KIR2DL1: variants seen among roughly 807,000 people sequenced by gnomAD.
The protein encoded by KIR2DL1 is killer cell immunoglobulin-like receptor 2DL1.
Under a neutral mutation model 33.9 loss-of-function variants are expected in KIR2DL1, and 38 were observed. The ratio of observed to expected loss-of-function variants is 1.12; its 90% CI spans 0.86 to 1.47. The LOEUF is 1.47. Among genes scored for constraint, KIR2DL1 ranks in the 40% most tolerant of loss-of-function variants. KIR2DL1 has a pLI of 0.00. For missense variants in KIR2DL1, 531 were observed against 433.9 expected, an observed-to-expected ratio of 1.22 and a Z score of -1.99; for synonymous variants, 179 against 165.9, an observed-to-expected ratio of 1.08 and a Z score of -0.61.
At chr19:54,772,073 A>G (rs2075797251) in intron 2 of KIR2DL1, among the ~76,000 whole-genome samples, 1 of 148,174 alleles carries the variant, frequency 6.7e-6, no homozygotes, top group Admixed American at 6.8e-5. Context: ...TGATGACTAC[A>G]TTCTAATCCC....
At chr19:54,776,916 A>G (rs2076415327) in intron 4 of KIR2DL1, among the ~76,000 whole-genome samples, 1 of 148,284 alleles carries the variant, frequency 6.7e-6, no homozygotes, top group Non-Finnish European at 1.5e-5. Flanking sequence ...TGCCGGGATT[A>G]CAGGCATGAT....
In KIR2DL1 at chr19:54,778,682, A is replaced by T; in HGVS notation, c.715+20A>T. 2.0e-6 allele frequency: 3 copies of T among 1,506,904 alleles called. 1 individual carries two copies. Among genetic ancestry groups the T allele is most frequent in the Non-Finnish European group, 2.7e-6 (3 of 1,099,136 alleles). 93.3% of individuals were successfully genotyped at this position (1,506,904 alleles called of 1,614,324 possible). A position where few individuals can be genotyped will look rare whatever the true frequency, so the allele number is the denominator to read the frequency against. On this transcript the variant is annotated intron_variant, in intron 5 of 7. Coordinates refer to ENST00000336077, the MANE Select transcript of KIR2DL1 (RefSeq NM_014218.3). ...AAACCGGTGAGTACAGAACCCTCTT[A>T]TATCCGCTTTTGGAACCCTGGGGAG...
At position 54,779,413 on chromosome 19, in the gene KIR2DL1, G is replaced by T. The variant is rs377047067; in HGVS notation, c.715+751G>T. Among the ~76,000 whole-genome samples, 461 of 148,112 alleles carry T rather than the reference G, an allele frequency of 3.1e-3. 16 individuals are homozygous for T. The highest frequency in any genetic ancestry group is 0.028 in the Admixed American group (411 of 14,608). ...AAGGCTCCCAGTTCCTTGGCTCCTG[G>T]TCCCCTTCCTCCTTCCTCAAAGCCC... is the stretch of plus-strand genomic sequence containing the variant. On this transcript the variant is annotated intron_variant, in intron 5 of 7. Transcript: ENST00000336077.
At chr19:54,782,275 G>T (rs1039016737) in intron 5 of KIR2DL1, among the ~76,000 whole-genome samples, 9 of 151,924 alleles carry the variant, frequency 5.9e-5, no homozygotes, top group African/African-American at 1.9e-4. Flanking sequence ...CTGATCTCAG[G>T]AAGTTGCTGT....
At chr19:54,770,273 G>A (rs1195748081) in intron 1 of KIR2DL1, among the ~76,000 whole-genome samples, 1 of 139,178 alleles carries the variant, frequency 7.2e-6, no homozygotes, top group African/African-American at 2.6e-5. Context: ...TGGGCCTGGA[G>A]TGGAGATATG....
intron 4 of KIR2DL1, among the ~76,000 whole-genome samples, chr19:54,777,252 T>A (rs587921): frequency 7.4e-6 from 1 of 134,966 alleles, no homozygotes; most frequent in African/African-American, 2.7e-5. Flanking sequence ...CACCACGCCC[T>A]ACTAATTTTT....
At chr19:54,773,877 A>G (rs545101778) in intron 3 of KIR2DL1, among the ~76,000 whole-genome samples, 7 of 148,620 alleles carry the variant, frequency 4.7e-5, no homozygotes, top group African/African-American at 9.8e-5. Flanking sequence ...GTTAAAGGAG[A>G]CACACAGACA....
chr19:54,781,539 T>C (rs1204461961), intron 5 of KIR2DL1, among the ~76,000 whole-genome samples: 2 of 150,366 alleles, frequency 1.3e-5, no homozygotes, highest in African/African-American at 4.9e-5. Flanking sequence ...TTGAAGTGAG[T>C]CCAGATCTTG....
At chr19:54,780,501 T>C (rs1446226311) in intron 5 of KIR2DL1, among the ~76,000 whole-genome samples, 861 of 133,260 alleles carry the variant, frequency 6.5e-3, no homozygotes, top group South Asian at 0.011. Context: ...CAACAAGGAG[T>C]GTGTGTTTGA....
At position 54,770,855 on chromosome 19, in the gene KIR2DL1, T is replaced by C. The variant is rs1251767651; in HGVS notation, c.41T>C (p.Phe14Ser). Reference sequence around the variant, plus strand: ...TCATGATCTTTCTTTCCAGGGTTCTTCTTGCTGCAGGGGGCCTGGCCACAT... The same window carrying C: ...TCATGATCTTTCTTTCCAGGGTTCTCCTTGCTGCAGGGGGCCTGGCCACAT... Reference protein sequence around the residue: ...LVVSMACVGFFLLQGAWPHEG... With the variant: ...LVVSMACVGFSLLQGAWPHEG... The change falls in exon 2 of 8, where the codon TTC becomes TCC. Residue 14 changes from phenylalanine (F) to serine (S), a missense_variant. Coordinates refer to ENST00000336077, the MANE Select transcript of KIR2DL1 (RefSeq NM_014218.3). 3 of 1,584,720 alleles carry C rather than the reference T, an allele frequency of 1.9e-6. 1 individual carries two copies. Among genetic ancestry groups the C allele is most frequent in the Middle Eastern group, 3.3e-4 (2 of 5,972 alleles).
At chr19:54,776,467 T>C (rs1239660169) in intron 4 of KIR2DL1, among the ~76,000 whole-genome samples, 1 of 146,386 alleles carries the variant, frequency 6.8e-6, no homozygotes, top group East Asian at 1.9e-4. Flanking sequence ...TACTACATTC[T>C]CTCTATCCAT....
chr19:54,783,526 A>G lies in KIR2DL1; in HGVS notation c.858A>G (p.Thr286=). 3.7e-6 allele frequency: 6 copies of G among 1,613,782 alleles called. No homozygotes were observed. The highest frequency in any genetic ancestry group is 5.1e-6 in the Non-Finnish European group (6 of 1,179,876). Residue 286 remains threonine (T), a synonymous_variant, in exon 7 of 8, where the codon ACA becomes ACG. Coordinates refer to ENST00000336077, the MANE Select transcript of KIR2DL1 (RefSeq NM_014218.3). ...ACCAAGAGTCTGCAGGAAACAGAAC[A>G]GCGAATAGCGAGGTAGGTACTCCTC... is the stretch of plus-strand genomic sequence containing the variant. ...VMDQESAGNR[T]ANSEDSDEQD...
In KIR2DL1 at chr19:54,775,571, C is replaced by T. The variant is rs910111235; in HGVS notation, c.664+113C>T. 72 of 1,317,930 alleles carry T rather than the reference C, an allele frequency of 5.5e-5. 2 individuals are homozygous for T. Among genetic ancestry groups the T allele is most frequent in the East Asian group, 2.1e-4 (9 of 42,852 alleles). The allele number at this position is 1,317,930 out of a possible 1,614,324, so 81.6% of individuals were successfully genotyped here. ...CAGATGCAGAGAGAAGACGCAGCCT[C>T]GGTGTGAGGGAGGGATCAGGGCACA... On this transcript the variant is annotated intron_variant, in intron 4 of 7. Coordinates refer to ENST00000336077, the MANE Select transcript of KIR2DL1 (RefSeq NM_014218.3).
Position 54,783,676 on chromosome 19 carries a change from C to A in KIR2DL1, c.910C>A (p.Gln304Lys), listed in dbSNP as rs200840563. ...AGACCCTCAGGAGGTGACATACACA[C>A]AGTTGAATCACTGCGTTTTCACACA... ...EQDPQEVTYT[Q>K]LNHCVFTQRK... is the part of the protein sequence containing the mutation. The change falls in exon 8 of 8, where the codon CAG (glutamine) becomes AAG (lysine). Residue 304 changes from glutamine (Q) to lysine (K), a missense_variant. Physicochemically the swap from Gln to Lys is moderately conservative, Grantham distance 53. Coordinates refer to ENST00000336077, the MANE Select transcript of KIR2DL1 (RefSeq NM_014218.3). The A allele has an allele frequency of 1.2e-5, 19 of 1,613,788 alleles. No homozygotes were observed. The highest frequency in any genetic ancestry group is 1.1e-4 in the African/African-American group (8 of 74,892).
intron 6 of KIR2DL1, among the ~76,000 whole-genome samples, chr19:54,783,226 C>T (rs584944): frequency 0.58 from 86,929 of 150,024 alleles, 25,654 homozygotes; most frequent in Middle Eastern, 0.69. Flanking sequence ...AACTGTATCC[C>T]CATGTCCCCT....
intron 5 of KIR2DL1, among the ~76,000 whole-genome samples, chr19:54,782,459 C>G (rs956499009): frequency 2.0e-5 from 3 of 151,900 alleles, no homozygotes; most frequent in Non-Finnish European, 4.4e-5. Context: ...GAGGGTCTGT[C>G]TGTGCAGAGA....
rs1295149601 is a variant in KIR2DL1, at chr19:54,783,674, C to T, written c.908C>T (p.Thr303Ile). 13 of 1,613,902 alleles carry T rather than the reference C, an allele frequency of 8.1e-6. 1 individual carries two copies. The highest frequency in any genetic ancestry group is 4.4e-5 in the South Asian group (4 of 91,078). ...DEQDPQEVTY[T>I]QLNHCVFTQR... Reference sequence around the variant, plus strand: ...CAAGACCCTCAGGAGGTGACATACACACAGTTGAATCACTGCGTTTTCACA... The same window carrying T: ...CAAGACCCTCAGGAGGTGACATACATACAGTTGAATCACTGCGTTTTCACA... Residue 303 changes from threonine (T) to isoleucine (I), a missense_variant, in exon 8 of 8, where the codon ACA (threonine) becomes ATA (isoleucine). Coordinates refer to ENST00000336077, the MANE Select transcript of KIR2DL1 (RefSeq NM_014218.3).
At chr19:54,771,349 C>T (rs1600698437) in intron 2 of KIR2DL1, among the ~76,000 whole-genome samples, 1 of 148,076 alleles carries the variant, frequency 6.8e-6, no homozygotes, top group Non-Finnish European at 1.5e-5. Flanking sequence ...CCATGTCTAC[C>T]CTGTGTTGTT....
chr19:54,783,650 A>C lies in KIR2DL1; in HGVS notation c.884A>C (p.Gln295Pro), dbSNP rs1188086683. The change falls in exon 8 of 8, where the codon CAA (glutamine) becomes CCA (proline). Residue 295 changes from glutamine (Q) to proline (P), a missense_variant. Coordinates refer to ENST00000336077, the MANE Select transcript of KIR2DL1 (RefSeq NM_014218.3). ...CCCTCTCTCCAGGACTCTGATGAAC[A>C]AGACCCTCAGGAGGTGACATACACA... Reference protein sequence around the residue: ...RTANSEDSDEQDPQEVTYTQL... With the variant: ...RTANSEDSDEPDPQEVTYTQL... 6.2e-7 allele frequency: 1 copy of C among 1,613,930 alleles called. No individual in the cohort carries two copies. Among genetic ancestry groups the C allele is most frequent in the East Asian group, 2.2e-5 (1 of 44,898 alleles).
Sources: allele counts gnomAD v4.1 joint callset (sites outside exome capture counted in the v4.1 genomes callset), GRCh38; gene constraint gnomAD v4.1.1; transcripts MANE v1.5; gene names NCBI Gene and HGNC (gene_info 2026-07-23, HGNC 2026-07-21).